PLG: variants seen among roughly 807,000 people sequenced by gnomAD.
The protein encoded by PLG is plasmin.
Under a neutral mutation model 104.4 loss-of-function variants are expected in PLG, and 41 were observed. The ratio of observed to expected loss-of-function variants is 0.39; its 90% CI spans 0.31 to 0.51. The LOEUF is 0.51. Ranked by LOEUF, PLG falls within the 20% of genes least tolerant of loss-of-function variation. The probability of loss-of-function intolerance (pLI) is 0.76; values close to 1 mark genes in which losing one functional copy is unlikely to be tolerated. For missense variants in PLG, 891 were observed against 1,003.6 expected, an observed-to-expected ratio of 0.89 and a Z score of 1.52; for synonymous variants, 337 against 357.1, an observed-to-expected ratio of 0.94 and a Z score of 0.63.
rs920213519 is a variant in PLG, at chr6:160,718,602, A to G, written c.951-91A>G. On this transcript the variant is annotated intron_variant, in intron 8 of 18. Transcript: ENST00000308192. ...ATAAGTAAAGGAAATGAACTTTAGC[A>G]CGTTTTTTCCCGTAACGGTTGTTCT... 7.6e-6 allele frequency: 11 copies of G among 1,441,310 alleles called. No individual in the cohort carries two copies. In the African/African-American group the frequency reaches 8.4e-5, roughly 11 times the overall value. The allele number at this position is 1,441,310 out of a possible 1,614,324, so 89.3% of individuals were successfully genotyped here. A position where few individuals can be genotyped will look rare whatever the true frequency, so the allele number is the denominator to read the frequency against.
At chr6:160,721,847 G>T (rs1387986637) in intron 9 of PLG, among the ~76,000 whole-genome samples, 1 of 152,182 alleles carries the variant, frequency 6.6e-6, no homozygotes, top group African/African-American at 2.4e-5. Flanking sequence ...TGCAATGCAG[G>T]ATGTTGGGCA....
chr6:160,752,872 A>C lies in PLG; in HGVS notation c.2272-28A>C, dbSNP rs767889069. 1 of 1,612,596 alleles carries C rather than the reference A, an allele frequency of 6.2e-7. No individual in the cohort carries two copies. The highest frequency in any genetic ancestry group is 8.5e-7 in the Non-Finnish European group (1 of 1,178,584). ...ATAAAAGGCAGGCAGCCTAACCCTC[A>C]CATGCATTTTTCTCTCCCTCTGTAT... On this transcript the variant is annotated intron_variant, in intron 18 of 18. Transcript: ENST00000308192. This position sits in a 1 kb window ranked among gnomAD's most constrained non-coding sequence, Gnocchi z 4.7.
rs1197447021 is a variant in PLG at position 160,726,243 on chromosome 6, C to T, written c.1256+3676C>T. Among the ~76,000 whole-genome samples the T allele has an allele frequency of 6.6e-6, 1 of 151,952 alleles. No homozygotes were observed. Among genetic ancestry groups the T allele is most frequent in the Non-Finnish European group, 1.5e-5 (1 of 67,934 alleles). Reference sequence around the variant, plus strand: ...GAAAAGAATTAAAATGATACAGAGTCTGTTTTTGAGCAAAACAGAATTAAA... The same window carrying T: ...GAAAAGAATTAAAATGATACAGAGTTTGTTTTTGAGCAAAACAGAATTAAA... On this transcript the variant is annotated intron_variant, in intron 10 of 18. Transcript: ENST00000308192. This position sits in a 1 kb window ranked among gnomAD's most constrained non-coding sequence, Gnocchi z 4.4.
At chr6:160,721,067 C>G (rs1777820768) in intron 9 of PLG, among the ~76,000 whole-genome samples, 1 of 152,070 alleles carries the variant, frequency 6.6e-6, no homozygotes, top group Non-Finnish European at 1.5e-5. Flanking sequence ...TCATGTTACT[C>G]TTTTCTATAG....
rs752070023 is a variant in PLG at position 160,716,661 on chromosome 6, C to G, written c.685C>G (p.Leu229Val). The change falls in exon 7 of 19, where the codon CTG becomes GTG. Residue 229 changes from leucine (L) to valine (V), a missense_variant. Coordinates refer to ENST00000308192, the MANE Select transcript of PLG (RefSeq NM_000301.5). ...YIPSKFPNKN[L>V]KKNYCRNPDR... Reference sequence around the variant, plus strand: ...TCCATTCAGATTTCCAAACAAGAACCTGAAGAAGAATTACTGTCGTAACCC... The same window carrying G: ...TCCATTCAGATTTCCAAACAAGAACGTGAAGAAGAATTACTGTCGTAACCC... 1.9e-6 allele frequency: 3 copies of G among 1,605,758 alleles called. No homozygotes were observed. Among genetic ancestry groups the G allele is most frequent in the Non-Finnish European group, 2.6e-6 (3 of 1,172,534 alleles).
At chr6:160,747,852 A>AT (rs1352712567) in intron 17 of PLG, among the ~76,000 whole-genome samples, 6 of 152,192 alleles carry the variant, frequency 3.9e-5, no homozygotes, top group Admixed American at 3.3e-4. Context: ...AGTGTTTTGC[A>AT]TTTTTAAAAA....
Position 160,738,141 on chromosome 6 carries a change from G to T in PLG, c.1803-397G>T, listed in dbSNP as rs1208800881. ...GATCACATCTGGCTCCTTGAAGAGT[G>T]ATTCATCAGACCTTACATAGATCTT... On this transcript the variant is annotated intron_variant, in intron 14 of 18. Transcript: ENST00000308192. The surrounding 1 kb of genome is among the most constrained non-coding windows in gnomAD (Gnocchi z 6.8). 6.6e-6 allele frequency among the ~76,000 whole-genome samples: 1 copy of T among 152,230 alleles called. No individual in the cohort carries two copies. The highest frequency in any genetic ancestry group is 1.9e-4 in the East Asian group (1 of 5,202).
Position 160,718,355 on chromosome 6 carries a change from T to A in PLG, c.849T>A (p.Tyr283Ter), listed in dbSNP as rs1225427102. ...YQCLKGTGEN[Y>*]RGNVAVTVSG... is the part of the protein sequence containing the mutation. ...GTCTGAAGGGAACAGGTGAAAACTA[T>A]CGCGGGAATGTGGCTGTTACCGTGT... is the stretch of plus-strand genomic sequence containing the variant. Residue 283 changes from tyrosine (Y) to a stop codon, truncating the protein, a stop_gained, in exon 8 of 19, where the codon TAT becomes TAA. Transcript: ENST00000308192. LOFTEE classifies it high-confidence loss of function. 6.2e-7 allele frequency: 1 copy of A among 1,613,806 alleles called. No individual in the cohort carries two copies. The highest frequency in any genetic ancestry group is 1.3e-5 in the African/African-American group (1 of 74,920).
At chr6:160,708,998 TTCTC>T (rs1777585781) in intron 3 of PLG, among the ~76,000 whole-genome samples, 1 of 152,054 alleles carries the variant, frequency 6.6e-6, no homozygotes, top group African/African-American at 2.4e-5. Context: ...ATTCTCCTGA[TTCTC>T]TCTACAAAAT....
At chr6:160,750,437 C>T (rs967506746) in intron 17 of PLG, among the ~76,000 whole-genome samples, 4 of 152,212 alleles carry the variant, frequency 2.6e-5, no homozygotes, top group Non-Finnish European at 4.4e-5. Flanking sequence ...CCCTTATCAG[C>T]GTGTTTGCCT....
In PLG at chr6:160,741,673, A is replaced by G. The variant is rs536273848; in HGVS notation, c.2125+256A>G. On this transcript the variant is annotated intron_variant, in intron 17 of 18. Transcript: ENST00000308192. This position sits in a 1 kb window ranked among gnomAD's most constrained non-coding sequence, Gnocchi z 4.7. Reference sequence around the variant, plus strand: ...TTTTTATTTCAATTAATTAATTTTTAACTTTTATTTTAGGTTCAGGGGTAC... The same window carrying G: ...TTTTTATTTCAATTAATTAATTTTTGACTTTTATTTTAGGTTCAGGGGTAC... Among the ~76,000 whole-genome samples, 2 of 152,162 alleles carry G rather than the reference A, an allele frequency of 1.3e-5. No individual in the cohort carries two copies. The highest frequency in any genetic ancestry group is 4.1e-4 in the South Asian group (2 of 4,822).
intron 4 of PLG, chr6:160,711,586 G>C (rs181216167): frequency 6.2e-7 from 1 of 1,609,832 alleles, no homozygotes; most frequent in Non-Finnish European, 8.5e-7. Flanking sequence ...TAAGCAGATA[G>C]AAAGAATCTT....
intron 1 of PLG, among the ~76,000 whole-genome samples, chr6:160,705,042 C>T (rs1819138): frequency 0.23 from 34,469 of 152,122 alleles, 4,968 homozygotes; most frequent in East Asian, 0.68. Context: ...GCCTCCACTG[C>T]TCTCCTAGTC....
rs753306661 is a variant in PLG, at chr6:160,731,212, TAG to T, written c.1422_1423del (p.Glu474AspfsTer38). 6.2e-7 allele frequency: 1 copy of T among 1,613,914 alleles called. No individual in the cohort carries two copies. The highest frequency in any genetic ancestry group is 8.5e-7 in the Non-Finnish European group (1 of 1,179,800). On this transcript the variant is annotated frameshift_variant, in exon 11 of 19. Transcript: ENST00000308192. LOFTEE classifies it high-confidence loss of function. This position sits in a 1 kb window ranked among gnomAD's most constrained non-coding sequence, Gnocchi z 5.1. The stretch of plus-strand genomic sequence containing the variant: ...CCGCCTGTTGTCCTGCTTCCAGATG[TAG>T]AGACTCCTTCCGAAGAAGGTAAGAA...
At chr6:160,728,969 G>A (rs950524965) in intron 10 of PLG, among the ~76,000 whole-genome samples, 3 of 152,132 alleles carry the variant, frequency 2.0e-5, no homozygotes, top group Non-Finnish European at 4.4e-5. Context: ...CAGTAGGTAA[G>A]TAACAGACTG....
Position 160,724,762 on chromosome 6 carries a change from T to A in PLG, c.1256+2195T>A, listed in dbSNP as rs1424496302. On this transcript the variant is annotated intron_variant, in intron 10 of 18. Transcript: ENST00000308192. The surrounding 1 kb of genome is among the most constrained non-coding windows in gnomAD (Gnocchi z 5.0). ...ATATCCCTTGAAAGTGAATGTTATA[T>A]AAATACATATTCTGCCTCCCCCAAA... Among the ~76,000 whole-genome samples the A allele has an allele frequency of 6.6e-6, 1 of 152,198 alleles. No individual in the cohort carries two copies. The highest frequency in any genetic ancestry group is 1.5e-5 in the Non-Finnish European group (1 of 68,044).
At chr6:160,710,017 G>A (rs998078602) in intron 3 of PLG, among the ~76,000 whole-genome samples, 3 of 152,214 alleles carry the variant, frequency 2.0e-5, no homozygotes, top group African/African-American at 7.2e-5. Context: ...GGTCTCTGGT[G>A]TATTTCCTGC....
Position 160,732,095 on chromosome 6 carries a change from C to T in PLG, c.1587+202C>T, listed in dbSNP as rs1030241979. On this transcript the variant is annotated intron_variant, in intron 12 of 18. Transcript: ENST00000308192. The surrounding 1 kb of genome is among the most constrained non-coding windows in gnomAD (Gnocchi z 4.5). ...GTATGGAAAGTACAAGCAGCACAGG[C>T]CAGGAAACCTCCACACATGTGAGGG... Among the ~76,000 whole-genome samples, 2 of 152,164 alleles carry T rather than the reference C, an allele frequency of 1.3e-5. No individual in the cohort carries two copies. The highest frequency in any genetic ancestry group is 2.9e-5 in the Non-Finnish European group (2 of 68,024).
At chr6:160,711,779 G>A in intron 4 of PLG, 1 of 1,587,636 alleles carries the variant, frequency 6.3e-7, no homozygotes, top group Non-Finnish European at 8.6e-7. Context: ...CTATGTTTGG[G>A]ACTGAAGTAA....
Sources: allele counts gnomAD v4.1 joint callset (sites outside exome capture counted in the v4.1 genomes callset), GRCh38; gene constraint gnomAD v4.1.1; non-coding constraint Gnocchi (gnomAD v3.1); transcripts MANE v1.5; gene names NCBI Gene and HGNC (gene_info 2026-07-23, HGNC 2026-07-21).